The following KCTD8 variants were observed in gnomAD, a reference collection of about 807,000 sequenced individuals.
KCTD8 encodes the protein BTB/POZ domain-containing protein KCTD8.
Under a neutral mutation model 31.5 loss-of-function variants are expected in KCTD8, and 27 were observed. The ratio of observed to expected loss-of-function variants is 0.86; its 90% confidence interval spans 0.63 to 1.18. The LOEUF (loss-of-function observed/expected upper bound fraction) is 1.18, where lower values mean the gene tolerates loss of function less well. KCTD8 is among the 50% of genes most tolerant of loss of function. The probability of loss-of-function intolerance (pLI) is 0.00; values close to 1 mark genes in which losing one functional copy is unlikely to be tolerated. For missense variants in KCTD8, 658 were observed against 647.7 expected (o/e 1.02, Z -0.17); for synonymous variants, 290 against 280.0 (o/e 1.04, Z -0.36).
chr4:44,433,911 A>G (rs569739880), intron 1 of KCTD8, among the ~76,000 whole-genome samples: 1 of 151,924 alleles, frequency 6.6e-6, no homozygotes, highest in Non-Finnish European at 1.5e-5. Context: ...AATACCCACC[A>G]ACTATCCAAA....
At chr4:44,240,611 C>T (rs1333417407) in intron 1 of KCTD8, among the ~76,000 whole-genome samples, 1 of 152,098 alleles carries the variant, frequency 6.6e-6, no homozygotes. Context: ...GTAGCTGGGA[C>T]GACAGGTTCA....
At chr4:44,266,347 A>T (rs550141942) in intron 1 of KCTD8, among the ~76,000 whole-genome samples, 1 of 151,976 alleles carries the variant, frequency 6.6e-6, no homozygotes, top group African/African-American at 2.4e-5. Flanking sequence ...AAATGCTGAG[A>T]GATTTTGTCA....
At chr4:44,424,421 TTC>T (rs1342474484) in intron 1 of KCTD8, among the ~76,000 whole-genome samples, 3 of 152,086 alleles carry the variant, frequency 2.0e-5, no homozygotes, top group Admixed American at 1.3e-4. Context: ...CCATTTTCTT[TTC>T]TCTGTCAACC....
chr4:44,435,263 C>T (rs1282048651), intron 1 of KCTD8, among the ~76,000 whole-genome samples: 2 of 151,876 alleles, frequency 1.3e-5, no homozygotes, highest in Admixed American at 6.6e-5. Context: ...GGGAAATAAC[C>T]TCAAGGAATT....
At chr4:44,391,504 C>T (rs1720368774) in intron 1 of KCTD8, among the ~76,000 whole-genome samples, 1 of 151,750 alleles carries the variant, frequency 6.6e-6, no homozygotes, top group Non-Finnish European at 1.5e-5. Context: ...TCTACTTTCA[C>T]TTAATAGTCA....
chr4:44,305,233 ACG>A (rs1330679883), intron 1 of KCTD8, among the ~76,000 whole-genome samples: 1 of 151,670 alleles, frequency 6.6e-6, no homozygotes, highest in Non-Finnish European at 1.5e-5. Flanking sequence ...ACATTAAAAT[ACG>A]TGATAGATAT....
chr4:44,313,854 T>C (rs866085954), intron 1 of KCTD8, among the ~76,000 whole-genome samples: 3 of 152,130 alleles, frequency 2.0e-5, no homozygotes, highest in Non-Finnish European at 4.4e-5. Flanking sequence ...AGCAGGGATG[T>C]GAGGAAAGAC....
At chr4:44,189,037 T>C (rs1713679072) in intron 1 of KCTD8, among the ~76,000 whole-genome samples, 2 of 152,212 alleles carry the variant, frequency 1.3e-5, no homozygotes, top group Admixed American at 6.5e-5. Context: ...TTATGTCATC[T>C]TATATAAGTG....
At position 44,321,763 on chromosome 4, in the gene KCTD8, T is replaced by G. The variant is rs866063039; in HGVS notation, c.961+125800A>C. 1.3e-5 allele frequency among the ~76,000 whole-genome samples: 2 copies of G among 152,228 alleles called. 1 individual carries two copies. Among genetic ancestry groups the G allele is most frequent in the Middle Eastern group, 6.8e-3 (2 of 294 alleles). ...TTATCTTCATACACTCCTTCCTCCTTTCCTTTGTAGCCTCTGCTAACTACC... is the reference window on the plus strand; with the variant it reads ...TTATCTTCATACACTCCTTCCTCCTGTCCTTTGTAGCCTCTGCTAACTACC... On this transcript the variant is annotated intron_variant, in intron 1 of 1. Transcript: ENST00000360029.
intron 1 of KCTD8, among the ~76,000 whole-genome samples, chr4:44,397,427 T>G (rs565304715): frequency 1.7e-4 from 26 of 152,324 alleles, no homozygotes; most frequent in African/African-American, 6.0e-4. Context: ...TGTTTGTGTA[T>G]GTGTGCATGC....
intron 1 of KCTD8, among the ~76,000 whole-genome samples, chr4:44,414,673 A>C (rs1721032585): frequency 6.6e-6 from 1 of 152,124 alleles, no homozygotes; most frequent in Non-Finnish European, 1.5e-5. Context: ...TCTTGCATAG[A>C]TATACAAGAA....
At chr4:44,238,292 G>T (rs1036955239) in intron 1 of KCTD8, among the ~76,000 whole-genome samples, 2 of 151,946 alleles carry the variant, frequency 1.3e-5, no homozygotes, top group African/African-American at 4.8e-5. Context: ...TTAGGTTGTG[G>T]ATGGTGTTAT....
At chr4:44,426,644 AT>A (rs1721355517) in intron 1 of KCTD8, among the ~76,000 whole-genome samples, 1 of 151,784 alleles carries the variant, frequency 6.6e-6, no homozygotes, top group South Asian at 2.1e-4. Flanking sequence ...AAAATTTCAA[AT>A]TGGTATAAAA....
intron 1 of KCTD8, among the ~76,000 whole-genome samples, chr4:44,297,419 T>A (rs1003811135): frequency 6.6e-6 from 1 of 152,108 alleles, no homozygotes; most frequent in Non-Finnish European, 1.5e-5. Context: ...TAAATAGATA[T>A]CTACATTTAA....
At chr4:44,261,836 T>C (rs1195677720) in intron 1 of KCTD8, among the ~76,000 whole-genome samples, 2 of 152,064 alleles carry the variant, frequency 1.3e-5, no homozygotes, top group African/African-American at 4.8e-5. Flanking sequence ...AATGTGTTAA[T>C]TGATTTGAAT....
At chr4:44,193,232 T>G (rs191850356) in intron 1 of KCTD8, among the ~76,000 whole-genome samples, 38 of 152,324 alleles carry the variant, frequency 2.5e-4, no homozygotes, top group African/African-American at 9.1e-4. Context: ...GGTACCATGC[T>G]TTATACATAG....
intron 1 of KCTD8, among the ~76,000 whole-genome samples, chr4:44,401,011 C>CTTTTTTTTTTTTTTTTTTTTTTT (rs59602420): frequency 1.0e-5 from 1 of 95,916 alleles, no homozygotes; most frequent in African/African-American, 4.0e-5. Flanking sequence ...AATTTTCTTT[C>CTTTTTTTTTTTTTTTTTTTTTTT]TTTTTTTTTT....
chr4:44,175,308 G>T, intron 1 of KCTD8, 58 bp from the exon 2 acceptor site: 1 of 1,065,472 alleles, frequency 9.4e-7, no homozygotes, highest in Non-Finnish European at 1.3e-6. Flanking sequence ...AAGTGTGAAG[G>T]TAAAATTAAA....
intron 1 of KCTD8, among the ~76,000 whole-genome samples, chr4:44,218,648 A>C (rs995267919): frequency 2.0e-5 from 3 of 150,998 alleles, no homozygotes; most frequent in South Asian, 4.1e-4. Flanking sequence ...AAGAAAAAAA[A>C]ATTAAAAATG....
Sources: gnomAD v4.1 joint callset for allele counts (sites outside exome capture counted in the v4.1 genomes callset) on GRCh38, gnomAD v4.1.1 for gene constraint, MANE v1.5 for transcripts, NCBI Gene and HGNC (gene_info 2026-07-23, HGNC 2026-07-21) for gene names.